The following ASPH variants were observed in gnomAD, a reference collection of about 807,000 sequenced individuals.
ASPH encodes the protein aspartyl/asparaginyl beta-hydroxylase.
In ASPH, 100 loss-of-function variants were observed where a neutral mutation model predicts 118.4. The ratio of observed to expected loss-of-function variants is 0.84; its 90% CI spans 0.72 to 1.00. The LOEUF is 1.00. ASPH is among the 50% of genes least tolerant of loss of function. ASPH has a pLI of 0.00. For missense variants in ASPH, 920 were observed against 919.5 expected (o/e 1.00, Z -0.01); for synonymous variants, 315 against 325.6 (o/e 0.97, Z 0.35).
intron 1 of ASPH, among the ~76,000 whole-genome samples, chr8:61,695,811 C>G (rs920388157): frequency 1.1e-4 from 17 of 152,298 alleles, no homozygotes; most frequent in African/African-American, 3.9e-4. Context: ...CATTCCTTCC[C>G]AAATCCTTGA....
chr8:61,620,386 A>C (rs1850498449), intron 13 of ASPH, among the ~76,000 whole-genome samples: 1 of 147,108 alleles, frequency 6.8e-6, no homozygotes, highest in Admixed American at 6.9e-5. Context: ...CCTTTCTTCA[A>C]AGAGAAGTGC....
intron 16 of ASPH, among the ~76,000 whole-genome samples, chr8:61,575,145 C>T (rs1314836148): frequency 1.3e-5 from 2 of 152,184 alleles, no homozygotes; most frequent in African/African-American, 4.8e-5. Context: ...GCGCTGTCTG[C>T]CCCATTCTTT....
intron 16 of ASPH, among the ~76,000 whole-genome samples, chr8:61,573,571 C>A (rs141564365): frequency 0.037 from 5,598 of 152,202 alleles, 154 homozygotes; most frequent in Non-Finnish European, 0.054. Flanking sequence ...ACATCTACAA[C>A]CATCTGATCT....
At chr8:61,577,507 T>C (rs1171549153) in intron 15 of ASPH, among the ~76,000 whole-genome samples, 4 of 151,208 alleles carry the variant, frequency 2.6e-5, no homozygotes, top group African/African-American at 7.3e-5. Flanking sequence ...GGTTCTACCA[T>C]GTTCTCGAAT....
chr8:61,550,043 A>G (rs1825341392), intron 20 of ASPH, among the ~76,000 whole-genome samples: 3 of 152,054 alleles, frequency 2.0e-5, no homozygotes, highest in Admixed American at 6.6e-5. Flanking sequence ...TCAATTTTTC[A>G]CTCTCCTGTC....
At chr8:61,554,711 G>GTT (rs201410659) in intron 19 of ASPH, among the ~76,000 whole-genome samples, 2 of 151,704 alleles carry the variant, frequency 1.3e-5, no homozygotes, top group African/African-American at 4.8e-5. Flanking sequence ...GTCTTGCTCT[G>GTT]TTTTTTTTGT....
intron 14 of ASPH, among the ~76,000 whole-genome samples, chr8:61,613,114 C>A (rs1346923591): frequency 6.6e-6 from 1 of 152,176 alleles, no homozygotes; most frequent in Non-Finnish European, 1.5e-5. Flanking sequence ...TTGGCTAAGC[C>A]ATGGTACCCA....
At chr8:61,707,566 T>C (rs2151910777) in intron 1 of ASPH, among the ~76,000 whole-genome samples, 1 of 152,280 alleles carries the variant, frequency 6.6e-6, no homozygotes, top group East Asian at 1.9e-4. Context: ...GTGTACTTTC[T>C]ATGACCCACA....
chr8:61,566,743 GC>G (rs1831832813), intron 17 of ASPH, among the ~76,000 whole-genome samples: 1 of 152,194 alleles, frequency 6.6e-6, no homozygotes. Context: ...CCCTCCATCA[GC>G]AAAAGGATTA....
chr8:61,612,008 G>C (rs1407992745), intron 14 of ASPH, among the ~76,000 whole-genome samples: 1 of 148,474 alleles, frequency 6.7e-6, no homozygotes, highest in Admixed American at 6.8e-5. Context: ...AAAAAAATAG[G>C]AATCACCTGA....
intron 15 of ASPH, among the ~76,000 whole-genome samples, chr8:61,577,686 C>T (rs978810857): frequency 1.3e-5 from 2 of 152,140 alleles, no homozygotes; most frequent in Admixed American, 6.5e-5. Context: ...GACATGGTGG[C>T]AAGAGAGAGA....
At chr8:61,606,130 T>A (rs541999411) in intron 14 of ASPH, among the ~76,000 whole-genome samples, 1 of 152,188 alleles carries the variant, frequency 6.6e-6, no homozygotes, top group African/African-American at 2.4e-5. Context: ...AGAATGCACA[T>A]GTATGCTCAC....
intron 3 of ASPH, among the ~76,000 whole-genome samples, chr8:61,666,820 C>A (rs953297559): frequency 6.6e-6 from 1 of 152,048 alleles, no homozygotes; most frequent in African/African-American, 2.4e-5. Context: ...TACTTCAATG[C>A]GTTTGGACAG....
At chr8:61,693,293 T>C (rs13271527) in intron 1 of ASPH, among the ~76,000 whole-genome samples, 126,364 of 152,136 alleles carry the variant, frequency 0.83, 52,595 homozygotes, top group African/African-American at 0.86. Flanking sequence ...ACCTAATTCA[T>C]GTTCCTCTTC....
intron 1 of ASPH, among the ~76,000 whole-genome samples, chr8:61,706,204 C>T (rs1485035198): frequency 6.6e-6 from 1 of 151,170 alleles, no homozygotes; most frequent in African/African-American, 2.4e-5. Flanking sequence ...GAGCAGACCA[C>T]TTGAGCCCAG....
intron 18 of ASPH, among the ~76,000 whole-genome samples, chr8:61,562,389 C>CTGTGTG (rs150312211): frequency 7.8e-5 from 10 of 128,994 alleles, no homozygotes; most frequent in Admixed American, 2.4e-4. Context: ...GAAAGTGTGT[C>CTGTGTG]TGTGTGTGTG....
At chr8:61,631,257 A>G (rs1220231952) in intron 13 of ASPH, among the ~76,000 whole-genome samples, 2 of 152,176 alleles carry the variant, frequency 1.3e-5, no homozygotes, top group Non-Finnish European at 2.9e-5. Flanking sequence ...TGTTTATAAA[A>G]TCTACAGTAG....
intron 3 of ASPH, chr8:61,660,896 T>C (rs1385265731): frequency 6.6e-6 from 1 of 152,130 alleles, no homozygotes; most frequent in Non-Finnish European, 1.5e-5. Flanking sequence ...CTGAAGACCA[T>C]AAAATCTCAT....
intron 20 of ASPH, among the ~76,000 whole-genome samples, chr8:61,550,477 AAGAGAGAG>A (rs36069979): frequency 6.8e-6 from 1 of 148,050 alleles, no homozygotes; most frequent in South Asian, 2.2e-4. Context: ...ACATAAGAGA[AAGAGAGAG>A]AGAGAGAGAG....
Sources: gnomAD v4.1 joint callset for allele counts (sites outside exome capture counted in the v4.1 genomes callset) on GRCh38, gnomAD v4.1.1 for gene constraint, MANE v1.5 for transcripts, NCBI Gene and HGNC (gene_info 2026-07-23, HGNC 2026-07-21) for gene names.